YJU2: variants seen among roughly 807,000 people sequenced by gnomAD.
The protein encoded by YJU2 is splicing factor YJU2.
YJU2 carries 28 observed loss-of-function variants against 39.6 expected under a neutral mutation model. The ratio of observed to expected loss-of-function variants is 0.71; its 90% CI spans 0.52 to 0.97. The LOEUF is 0.97. YJU2 is among the 50% of genes least tolerant of loss of function. The pLI is 0.00. For missense variants in YJU2, 328 were observed against 430.4 expected (o/e 0.76, Z 2.11); for synonymous variants, 184 against 182.4 (o/e 1.01, Z -0.07).
At chr19:4,265,031 T>C (rs1032641882) in intron 6 of YJU2, among the ~76,000 whole-genome samples, 1 of 152,028 alleles carries the variant, frequency 6.6e-6, no homozygotes, top group Non-Finnish European at 1.5e-5. Context: ...CAACTTCCTC[T>C]CTTCTTTTCT....
chr19:4,249,110 C>G (rs1214513767), intron 1 of YJU2, 118 bp from the exon 2 acceptor site: 1 of 645,816 alleles, frequency 1.5e-6, no homozygotes, highest in Admixed American at 2.7e-5. Flanking sequence ...CTGCCTGTCG[C>G]GGAACCTGGG....
chr19:4,258,490 C>T lies in YJU2; in HGVS notation c.587+67C>T, dbSNP rs1371935395. On this transcript the variant is annotated intron_variant, in intron 5 of 7. Transcript: ENST00000262962. Reference sequence around the variant, plus strand: ...CTGCCCCGGCAGGCGCTGCCTCTGCCCCAGACCCTTTCCCCGCTCTCTGGA... The same window carrying T: ...CTGCCCCGGCAGGCGCTGCCTCTGCTCCAGACCCTTTCCCCGCTCTCTGGA... 6.6e-6 allele frequency: 10 copies of T among 1,514,316 alleles called. No homozygotes were observed. The Admixed American group carries it at 2.1e-4, about 32-fold the overall frequency. 93.8% of individuals were successfully genotyped at this position (1,514,316 alleles called of 1,614,324 possible). A position where few individuals can be genotyped will look rare whatever the true frequency, so the allele number is the denominator to read the frequency against.
At position 4,259,475 on chromosome 19, in the gene YJU2, G is replaced by A. The variant is rs375423838; in HGVS notation, c.587+1052G>A. The stretch of plus-strand genomic sequence containing the variant: ...GCTCACTGTAGCCTCCATCTCCCGG[G>A]CTCAAGCGTTCCTCCTGCCTCAGCC... On this transcript the variant is annotated intron_variant, in intron 5 of 7. Transcript: ENST00000262962. Among the ~76,000 whole-genome samples, 5 of 152,226 alleles carry A rather than the reference G, an allele frequency of 3.3e-5. No individual in the cohort carries two copies. In the South Asian group the frequency reaches 1.0e-3, roughly 32 times the overall value.
intron 5 of YJU2, 132 bp downstream of exon 5, chr19:4,258,555 C>T: frequency 7.3e-7 from 1 of 1,366,556 alleles, no homozygotes; most frequent in Non-Finnish European, 9.7e-7. Context: ...CCGCCCATCT[C>T]ACTTTCTCCC....
At chr19:4,250,936 A>C in intron 2 of YJU2, 91 bp from the exon 3 acceptor site, 1 of 1,448,586 alleles carries the variant, frequency 6.9e-7, no homozygotes, top group Non-Finnish European at 9.5e-7. Flanking sequence ...GGAGGCAAGC[A>C]AGCAGTGATC....
At chr19:4,264,481 TTTTC>T (rs1385429908) in intron 6 of YJU2, among the ~76,000 whole-genome samples, 1 of 149,340 alleles carries the variant, frequency 6.7e-6, no homozygotes, top group Admixed American at 6.7e-5. Context: ...CTAATTTTTC[TTTTC>T]TTTCTTTCTT....
intron 6 of YJU2, among the ~76,000 whole-genome samples, chr19:4,266,478 A>G (rs866804359): frequency 1.8e-4 from 27 of 152,002 alleles, no homozygotes; most frequent in Non-Finnish European, 8.8e-5. Flanking sequence ...TCGCCCTTCA[A>G]TACCCAATGC....
chr19:4,256,181 AATATATATATAT>A (rs1555725229), intron 4 of YJU2, among the ~76,000 whole-genome samples: 27 of 125,886 alleles, frequency 2.1e-4, no homozygotes, highest in East Asian at 1.5e-3. Flanking sequence ...AAAAAAAAAA[AATATATATATAT>A]ATATATATAT....
chr19:4,268,123 T>A (rs1971132088), intron 7 of YJU2, among the ~76,000 whole-genome samples: 1 of 151,884 alleles, frequency 6.6e-6, no homozygotes, highest in Non-Finnish European at 1.5e-5. Flanking sequence ...TTTTGTATTA[T>A]TAGTAGAGGT....
chr19:4,268,538 T>G, intron 7 of YJU2, 46 bp from the exon 8 acceptor site: 1 of 1,403,228 alleles, frequency 7.1e-7, no homozygotes, highest in East Asian at 2.4e-5. Flanking sequence ...GTCCCTGGCC[T>G]GTCTGCTGTG....
chr19:4,264,015 C>G (rs1386636071), intron 6 of YJU2, among the ~76,000 whole-genome samples: 2 of 151,828 alleles, frequency 1.3e-5, no homozygotes, highest in Non-Finnish European at 2.9e-5. Context: ...GTAATCCCAG[C>G]ACTTTGGGAG....
chr19:4,253,525 G>C (rs1970994727), intron 3 of YJU2, among the ~76,000 whole-genome samples: 1 of 151,794 alleles, frequency 6.6e-6, no homozygotes, highest in Non-Finnish European at 1.5e-5. Flanking sequence ...AGGTTGCAGT[G>C]AGCCATGATC....
At chr19:4,264,106 CA>C (rs1472230479) in intron 6 of YJU2, among the ~76,000 whole-genome samples, 1 of 150,936 alleles carries the variant, frequency 6.6e-6, no homozygotes, top group African/African-American at 2.4e-5. Flanking sequence ...GCTAAAAATA[CA>C]AAAAATTAGC....
chr19:4,259,716 G>A (rs1040081666), intron 5 of YJU2, among the ~76,000 whole-genome samples: 2 of 152,016 alleles, frequency 1.3e-5, no homozygotes, highest in Admixed American at 6.6e-5. Flanking sequence ...CTGAGCCCGC[G>A]TGCTGATCCC....
chr19:4,262,913 C>A (rs766365625), intron 6 of YJU2, among the ~76,000 whole-genome samples: 2 of 151,306 alleles, frequency 1.3e-5, no homozygotes, highest in Non-Finnish European at 2.9e-5. Flanking sequence ...CTAAAATAAA[C>A]AAATAAAAAT....
chr19:4,250,614 G>T (rs1018224281), intron 2 of YJU2, among the ~76,000 whole-genome samples: 3 of 152,088 alleles, frequency 2.0e-5, no homozygotes, highest in Admixed American at 6.6e-5. Context: ...GGGGGTGTTT[G>T]CAGGATCAGA....
chr19:4,263,637 C>A (rs1004331113), intron 6 of YJU2, among the ~76,000 whole-genome samples: 6 of 151,832 alleles, frequency 4.0e-5, no homozygotes, highest in African/African-American at 1.5e-4. Context: ...TGGAGAAACC[C>A]TGTCTCTACT....
intron 3 of YJU2, among the ~76,000 whole-genome samples, chr19:4,254,055 C>T (rs1970999125): frequency 6.6e-6 from 1 of 152,240 alleles, no homozygotes; most frequent in East Asian, 1.9e-4. Flanking sequence ...AGTGATCCAC[C>T]TGCCTCATTG....
In YJU2 at chr19:4,262,633, G is replaced by C. The variant is rs375977110; in HGVS notation, c.708+519G>C. Among the ~76,000 whole-genome samples the C allele has an allele frequency of 4.4e-3, 665 of 152,208 alleles. 4 individuals are homozygous for C. The highest frequency in any genetic ancestry group is 0.015 in the African/African-American group (621 of 41,546). On this transcript the variant is annotated intron_variant, in intron 6 of 7. Coordinates refer to ENST00000262962, the MANE Select transcript of YJU2 (RefSeq NM_018074.6). ...CAATAAATCTTTATTTATAGGCGGG[G>C]TGCAGTGGCTCATGCCTGTAATCCC...
Sources: gnomAD v4.1 joint callset for allele counts (sites outside exome capture counted in the v4.1 genomes callset) on GRCh38, gnomAD v4.1.1 for gene constraint, MANE v1.5 for transcripts, NCBI Gene and HGNC (gene_info 2026-07-23, HGNC 2026-07-21) for gene names.